LRRC4C: variants seen among roughly 807,000 people sequenced by gnomAD.
LRRC4C encodes leucine rich repeat containing 4C, also known as leucine-rich repeat-containing protein 4C.
LRRC4C carries 5 observed loss-of-function variants against 33.6 expected under a neutral mutation model. The ratio of observed to expected loss-of-function variants is 0.15; its 90% CI spans 0.08 to 0.31. The LOEUF is 0.31. LRRC4C is among the 10% of genes least tolerant of loss of function. The probability of loss-of-function intolerance (pLI) is 1.00; values close to 1 mark genes in which losing one functional copy is unlikely to be tolerated. For synonymous variants in LRRC4C, 329 were observed against 302.0 expected, an observed-to-expected ratio of 1.09 and a Z score of -0.93; for missense variants, 560 against 796.7, an observed-to-expected ratio of 0.70 and a Z score of 3.58.
intron 3 of LRRC4C, among the ~76,000 whole-genome samples, chr11:40,389,309 C>A (rs1490859938): frequency 6.6e-6 from 1 of 152,112 alleles, no homozygotes; most frequent in Admixed American, 6.5e-5. Flanking sequence ...AAGAGCAGGG[C>A]ATTGTTAATT....
At chr11:41,363,578 T>C (rs1952431918) in intron 1 of LRRC4C, among the ~76,000 whole-genome samples, 1 of 152,206 alleles carries the variant, frequency 6.6e-6, no homozygotes, top group African/African-American at 2.4e-5. Context: ...TTTACTGTTA[T>C]AGGAATTTCT....
intron 5 of LRRC4C, among the ~76,000 whole-genome samples, chr11:40,190,058 A>C (rs1406905091): frequency 6.6e-6 from 1 of 152,150 alleles, no homozygotes; most frequent in Non-Finnish European, 1.5e-5. Flanking sequence ...AAAGCCAAAG[A>C]CTCACCTGCT....
chr11:40,396,624 A>G (rs994798515), intron 3 of LRRC4C, among the ~76,000 whole-genome samples: 1 of 152,176 alleles, frequency 6.6e-6, no homozygotes, highest in African/African-American at 2.4e-5. Flanking sequence ...GAAACCTATT[A>G]GTAAAATCGG....
intron 2 of LRRC4C, among the ~76,000 whole-genome samples, chr11:40,865,924 T>A (rs1490999083): frequency 6.6e-6 from 1 of 151,864 alleles, no homozygotes; most frequent in Non-Finnish European, 1.5e-5. Context: ...ATGTTCAATA[T>A]GAGTTTGAAA....
intron 1 of LRRC4C, among the ~76,000 whole-genome samples, chr11:41,083,234 T>A (rs12278316): frequency 0.26 from 39,137 of 151,800 alleles, 5,213 homozygotes; most frequent in Admixed American, 0.34. Flanking sequence ...GATTCTATTA[T>A]TAAATGTATT....
At chr11:40,179,001 ACTTT>A (rs1474976946) in intron 5 of LRRC4C, among the ~76,000 whole-genome samples, 1 of 108,538 alleles carries the variant, frequency 9.2e-6, no homozygotes, top group African/African-American at 3.2e-5. Context: ...TTTTTTCTTA[ACTTT>A]CTTTCTTTTT....
chr11:40,369,566 G>C (rs139696432), intron 3 of LRRC4C, among the ~76,000 whole-genome samples: 1,807 of 152,280 alleles, frequency 0.012, 27 homozygotes, highest in African/African-American at 0.037. Context: ...TCGAACTCCT[G>C]ACCTCAGGTG....
intron 4 of LRRC4C, among the ~76,000 whole-genome samples, chr11:40,282,645 C>G (rs1943559161): frequency 6.6e-6 from 1 of 152,072 alleles, no homozygotes; most frequent in African/African-American, 2.4e-5. Flanking sequence ...TGTAAAAACA[C>G]AAATACTCCA....
At chr11:41,416,679 C>T (rs963983055) in intron 1 of LRRC4C, among the ~76,000 whole-genome samples, 1 of 151,888 alleles carries the variant, frequency 6.6e-6, no homozygotes, top group Non-Finnish European at 1.5e-5. Context: ...AATTAATGTA[C>T]CAAGGGACTT....
intron 3 of LRRC4C, among the ~76,000 whole-genome samples, chr11:40,348,741 TA>T (rs1438242249): frequency 6.6e-6 from 1 of 152,150 alleles, no homozygotes; most frequent in African/African-American, 2.4e-5. Flanking sequence ...TGATGGAAAC[TA>T]TAATAATTTT....
chr11:40,611,938 A>G (rs1961261839), intron 3 of LRRC4C, among the ~76,000 whole-genome samples: 2 of 151,870 alleles, frequency 1.3e-5, no homozygotes, highest in South Asian at 2.1e-4. Flanking sequence ...GGGAGAATGT[A>G]AAAATAGTGC....
chr11:41,086,031 A>T (rs1939963335), intron 1 of LRRC4C, among the ~76,000 whole-genome samples: 1 of 151,376 alleles, frequency 6.6e-6, no homozygotes, highest in Non-Finnish European at 1.5e-5. Flanking sequence ...TGCCTTTTGT[A>T]CCAAAAGTCC....
chr11:40,996,890 G>T (rs763904070), intron 1 of LRRC4C, among the ~76,000 whole-genome samples: 1 of 152,004 alleles, frequency 6.6e-6, no homozygotes, highest in Non-Finnish European at 1.5e-5. Context: ...TGAGGGATCC[G>T]TCCCCATGAG....
intron 1 of LRRC4C, among the ~76,000 whole-genome samples, chr11:41,239,977 C>A (rs1948184988): frequency 6.6e-6 from 1 of 152,250 alleles, no homozygotes; most frequent in Middle Eastern, 3.4e-3. Flanking sequence ...CATAATTTTA[C>A]CCATTCTGGC....
At chr11:41,027,744 T>C (rs1228129244) in intron 1 of LRRC4C, among the ~76,000 whole-genome samples, 1 of 151,658 alleles carries the variant, frequency 6.6e-6, no homozygotes, top group Non-Finnish European at 1.5e-5. Flanking sequence ...AATGTGAATA[T>C]TGTTGAGGGC....
chr11:40,447,526 T>C lies in LRRC4C; in HGVS notation c.-269-127805A>G, dbSNP rs561358010. 7.2e-5 allele frequency among the ~76,000 whole-genome samples: 11 copies of C among 152,336 alleles called. No individual in the cohort carries two copies. The Middle Eastern group carries it at 0.01, about 142-fold the overall frequency. On this transcript the variant is annotated intron_variant, in intron 3 of 6. Transcript: ENST00000528697. ...CTCTCTCAACAATCCAGGGGTCTTT[T>C]TTTGTTTGTATTTTATTAAGACAAT...
chr11:40,369,702 T>C (rs530025045), intron 3 of LRRC4C, among the ~76,000 whole-genome samples: 1 of 152,362 alleles, frequency 6.6e-6, no homozygotes, highest in African/African-American at 2.4e-5. Flanking sequence ...TATATATTTA[T>C]TGTGTACAAT....
At chr11:40,348,374 T>C (rs1486181176) in intron 3 of LRRC4C, among the ~76,000 whole-genome samples, 1 of 152,182 alleles carries the variant, frequency 6.6e-6, no homozygotes, top group Non-Finnish European at 1.5e-5. Context: ...TTACATTTTA[T>C]TGTTGAAGAA....
At chr11:41,166,500 A>G (rs1202035411) in intron 1 of LRRC4C, among the ~76,000 whole-genome samples, 4 of 152,218 alleles carry the variant, frequency 2.6e-5, no homozygotes, top group Middle Eastern at 3.2e-3. Context: ...GATGTGCCTA[A>G]ATAAAATAAA....
Sources: gnomAD v4.1 joint callset for allele counts (sites outside exome capture counted in the v4.1 genomes callset) on GRCh38, gnomAD v4.1.1 for gene constraint, MANE v1.5 for transcripts, NCBI Gene and HGNC (gene_info 2026-07-23, HGNC 2026-07-21) for gene names.